The following SMC1B variants were observed in gnomAD, a reference collection of about 807,000 sequenced individuals.
SMC1B encodes structural maintenance of chromosomes protein 1B.
Under a neutral mutation model 157.9 loss-of-function variants are expected in SMC1B, and 60 were observed. The observed-to-expected ratio is 0.38, with a 90% CI of 0.31 to 0.47. SMC1B has a LOEUF of 0.47. Among genes scored for constraint, SMC1B ranks in the 20% least tolerant of loss-of-function variants. SMC1B has a pLI of 0.99. For synonymous variants in SMC1B, 445 were observed against 483.0 expected, an observed-to-expected ratio of 0.92 and a Z score of 1.03; for missense variants, 1,165 against 1,426.2, an observed-to-expected ratio of 0.82 and a Z score of 2.95.
At chr22:45,383,388 G>T in intron 12 of SMC1B, 79 bp downstream of exon 12, 1 of 1,036,488 alleles carries the variant, frequency 9.6e-7, no homozygotes. Flanking sequence ...AATTGGCACT[G>T]TTATTATAAA....
intron 15 of SMC1B, among the ~76,000 whole-genome samples, chr22:45,366,675 A>G (rs963542280): frequency 6.6e-6 from 1 of 152,210 alleles, no homozygotes; most frequent in African/African-American, 2.4e-5. Flanking sequence ...AGGTGCATGG[A>G]TCACCTGAGG....
At chr22:45,384,697 G>A (rs2086972454) in intron 11 of SMC1B, among the ~76,000 whole-genome samples, 1 of 150,922 alleles carries the variant, frequency 6.6e-6, no homozygotes, top group African/African-American at 2.4e-5. Context: ...TCCAGCCTGG[G>A]TGACAGAGCA....
Position 45,389,719 on chromosome 22 carries a change from T to G in SMC1B, c.1724A>C (p.Tyr575Ser). The G allele has an allele frequency of 6.2e-7, 1 of 1,613,156 alleles. No individual in the cohort carries two copies. The highest frequency in any genetic ancestry group is 8.5e-7 in the Non-Finnish European group (1 of 1,179,482). The stretch of plus-strand genomic sequence containing the variant: ...GCATTACAAAGTTCTTACATCAAGG[T>G]AATCTAGAGCGAGGAATGTCTCAGG... Reference protein sequence around the residue: ...AEPETFLALDYLDIKPINERL... With the variant: ...AEPETFLALDSLDIKPINERL... The change falls in exon 10 of 25, where the codon TAC becomes TCC. Residue 575 changes from tyrosine (Y) to serine (S), a missense_variant. Transcript: ENST00000357450.
At chr22:45,382,596 G>A (rs2086947764) in intron 12 of SMC1B, among the ~76,000 whole-genome samples, 1 of 151,856 alleles carries the variant, frequency 6.6e-6, no homozygotes, top group Non-Finnish European at 1.5e-5. Flanking sequence ...ACTTACAATG[G>A]GTGACTGCTA....
chr22:45,367,062 C>G (rs947674212), intron 15 of SMC1B, among the ~76,000 whole-genome samples: 2 of 152,148 alleles, frequency 1.3e-5, no homozygotes, highest in African/African-American at 4.8e-5. Context: ...CTTAAAACTT[C>G]TATTTTAAGT....
At chr22:45,389,664 A>G in intron 10 of SMC1B, 48 bp downstream of exon 10, 1 of 1,518,902 alleles carries the variant, frequency 6.6e-7, no homozygotes, top group Non-Finnish European at 9.0e-7. Context: ...ATTCTTTAAA[A>G]GACAAGATTT....
chr22:45,370,676 C>T (rs1041062325), intron 14 of SMC1B, among the ~76,000 whole-genome samples: 6 of 151,864 alleles, frequency 4.0e-5, no homozygotes, highest in Non-Finnish European at 7.4e-5. Context: ...GTTAGCATGA[C>T]TAGATAATCC....
At position 45,393,619 on chromosome 22, in the gene SMC1B, A is replaced by G. The variant is rs759534061; in HGVS notation, c.1545+15T>C. ...TTAGTTTTTTTTGTTTAAATTAACTATTCATTCTCATTACCACAGAATCTG... is the reference window on the plus strand; with the variant it reads ...TTAGTTTTTTTTGTTTAAATTAACTGTTCATTCTCATTACCACAGAATCTG... On this transcript the variant is annotated intron_variant, in intron 9 of 24. Coordinates refer to ENST00000357450, the MANE Select transcript of SMC1B (RefSeq NM_148674.5). 1.9e-6 allele frequency: 3 copies of G among 1,584,410 alleles called. No homozygotes were observed. Among genetic ancestry groups the G allele is most frequent in the Non-Finnish European group, 1.7e-6 (2 of 1,165,078 alleles).
At chr22:45,361,758 C>T (rs1256222797) in intron 17 of SMC1B, 81 bp downstream of exon 17, 2 of 1,341,664 alleles carry the variant, frequency 1.5e-6, no homozygotes, top group East Asian at 2.3e-5. Flanking sequence ...TCAAATGCAA[C>T]TCATTTCATA....
In SMC1B at chr22:45,344,628, C is replaced by A; in HGVS notation, c.3636G>T (p.Leu1212Phe). ...EYDDCMFSRVLTLDLSQYPDT... is the reference protein window; with the variant it reads ...EYDDCMFSRVFTLDLSQYPDT... ...CTGGATACTGAGAAAGATCTAGGGT[C>A]AAAACTCGGCTGAACATGCAGTCAT... Residue 1212 changes from leucine to phenylalanine, a missense_variant, in exon 25 of 25, where the codon TTG becomes TTT. Transcript: ENST00000357450. 6.2e-7 allele frequency: 1 copy of A among 1,613,896 alleles called. No individual in the cohort carries two copies. Among genetic ancestry groups the A allele is most frequent in the South Asian group, 1.1e-5 (1 of 91,050 alleles).
chr22:45,413,335 C>T (rs2087375596), intron 1 of SMC1B, 124 bp downstream of exon 1: 4 of 713,768 alleles, frequency 5.6e-6, no homozygotes, highest in South Asian at 1.9e-5. Flanking sequence ...GGTCAGGCTC[C>T]GGGACTGGAA....
chr22:45,359,720 T>A, intron 18 of SMC1B, 85 bp downstream of exon 18: 1 of 1,439,688 alleles, frequency 6.9e-7, no homozygotes, highest in Non-Finnish European at 9.5e-7. Context: ...CTAAAGGGGC[T>A]ACAGAACAAG....
intron 22 of SMC1B, among the ~76,000 whole-genome samples, chr22:45,350,254 CTTTTT>C (rs66465413): frequency 1.5e-5 from 2 of 131,394 alleles, no homozygotes; most frequent in East Asian, 4.3e-4. Flanking sequence ...CTCCTGAGTT[CTTTTT>C]TTTTTTTTTT....
chr22:45,366,791 T>A (rs188496940), intron 15 of SMC1B, among the ~76,000 whole-genome samples: 4 of 152,344 alleles, frequency 2.6e-5, no homozygotes, highest in Admixed American at 2.6e-4. Context: ...ATTCTTAGAT[T>A]TGCTCTTGAG....
chr22:45,365,153 C>G (rs1017065864), intron 15 of SMC1B, among the ~76,000 whole-genome samples: 2 of 152,116 alleles, frequency 1.3e-5, no homozygotes, highest in Non-Finnish European at 2.9e-5. Flanking sequence ...CTTCTCCTTT[C>G]TATCCACATT....
intron 2 of SMC1B, among the ~76,000 whole-genome samples, chr22:45,407,113 GT>G (rs2087271156): frequency 6.6e-6 from 1 of 152,168 alleles, no homozygotes; most frequent in South Asian, 2.1e-4. Context: ...TAGTCAGGAT[GT>G]AAAAGGAAAA....
intron 4 of SMC1B, among the ~76,000 whole-genome samples, chr22:45,405,381 T>C (rs1232745019): frequency 6.6e-6 from 1 of 151,720 alleles, no homozygotes; most frequent in Non-Finnish European, 1.5e-5. Context: ...ACCCCGTCTC[T>C]ACTAAAAATA....
intron 15 of SMC1B, among the ~76,000 whole-genome samples, chr22:45,369,542 C>CTTTTTT (rs136566): frequency 3.6e-5 from 4 of 110,764 alleles, no homozygotes; most frequent in Non-Finnish European, 7.0e-5. Context: ...CTAGCTGTTT[C>CTTTTTT]TTTTTTTTTT....
chr22:45,395,380 G>A (rs1429372271), intron 7 of SMC1B, among the ~76,000 whole-genome samples: 1 of 152,194 alleles, frequency 6.6e-6, no homozygotes, highest in Non-Finnish European at 1.5e-5. Flanking sequence ...GCAACTACAT[G>A]TGTTCTTCTT....
Sources: allele counts gnomAD v4.1 joint callset (sites outside exome capture counted in the v4.1 genomes callset), GRCh38; gene constraint gnomAD v4.1.1; transcripts MANE v1.5; gene names NCBI Gene and HGNC (gene_info 2026-07-23, HGNC 2026-07-21).